Variants in RBPJ observed in about 807,000 individuals in gnomAD.
RBPJ encodes recombining binding protein suppressor of hairless.
Under a neutral mutation model 67.8 loss-of-function variants are expected in RBPJ, and 9 were observed. That is an observed-to-expected ratio of 0.13 (90% CI 0.08 to 0.23). The LOEUF (loss-of-function observed/expected upper bound fraction) is 0.23. Ranked by LOEUF, RBPJ falls within the 10% of genes least tolerant of loss-of-function variation. The pLI is 1.00. For synonymous variants in RBPJ, 198 were observed against 203.3 expected, an observed-to-expected ratio of 0.97 and a Z score of 0.22; for missense variants, 305 against 595.6, an observed-to-expected ratio of 0.51 and a Z score of 5.08.
At chr4:26,368,426 C>A (rs148196430) in intron 1 of RBPJ, among the ~76,000 whole-genome samples, 1 of 152,242 alleles carries the variant, frequency 6.6e-6, no homozygotes, top group Non-Finnish European at 1.5e-5. Context: ...TTACTCACTT[C>A]ATTGTCACTG....
chr4:26,152,714 C>G, the RBPJ span, among the ~76,000 whole-genome samples: 5 of 152,226 alleles, frequency 3.3e-5, no homozygotes, highest in Admixed American at 3.3e-4. Flanking sequence ...AGCCCAAGCT[C>G]TTAATCACTA....
chr4:26,206,643 C>G lies in RBPJ; in HGVS notation c.-167+43029C>G, dbSNP rs551918128. Among the ~76,000 whole-genome samples the G allele has an allele frequency of 4.6e-5, 7 of 152,076 alleles. No homozygotes were observed. In the South Asian group the frequency reaches 1.2e-3, roughly 27 times the overall value. On this transcript the variant is annotated intron_variant, in intron 1 of 4. Transcript: ENST00000512351. ...GACCAATATTGATCTAGTCCTTCATCCAGTCAACAAATGCCATTGTTTATA... is the reference window on the plus strand; with the variant it reads ...GACCAATATTGATCTAGTCCTTCATGCAGTCAACAAATGCCATTGTTTATA...
chr4:26,253,307 CTT>C (rs1182769419), intron 1 of RBPJ, among the ~76,000 whole-genome samples: 2 of 114,390 alleles, frequency 1.7e-5, no homozygotes, highest in East Asian at 2.4e-4. Flanking sequence ...TCTGCTATTT[CTT>C]TTTTTTTTTT....
chr4:26,112,770 T>C, the RBPJ span: 1 of 147,122 alleles, frequency 6.8e-6, no homozygotes, highest in Non-Finnish European at 1.5e-5. Flanking sequence ...TTTTTTTTTT[T>C]TTTTTTTGCA....
chr4:26,402,723 C>T (rs929470196), intron 2 of RBPJ, among the ~76,000 whole-genome samples: 4 of 152,156 alleles, frequency 2.6e-5, no homozygotes, highest in Admixed American at 1.3e-4. Context: ...CTTGACTCTC[C>T]TGTCAATGTG....
chr4:26,116,957 T>A, the RBPJ span, among the ~76,000 whole-genome samples: 1 of 152,198 alleles, frequency 6.6e-6, no homozygotes. Flanking sequence ...AGCCCAGGTC[T>A]AGATTAAAGC....
chr4:26,156,066 G>A, the RBPJ span, among the ~76,000 whole-genome samples: 3 of 152,120 alleles, frequency 2.0e-5, no homozygotes, highest in Non-Finnish European at 4.4e-5. Context: ...TGTTAATGGA[G>A]GCAGGAAGCT....
At chr4:26,387,331 A>T (rs1257157149) in intron 2 of RBPJ, among the ~76,000 whole-genome samples, 3 of 152,200 alleles carry the variant, frequency 2.0e-5, no homozygotes, top group African/African-American at 7.2e-5. Flanking sequence ...TAATGATAGT[A>T]ATGGATTAAA....
At chr4:26,392,636 C>G (rs945956143) in intron 2 of RBPJ, among the ~76,000 whole-genome samples, 1 of 152,096 alleles carries the variant, frequency 6.6e-6, no homozygotes, top group African/African-American at 2.4e-5. Context: ...CTGACAAAAA[C>G]TAGATCAGTG....
chr4:26,425,842 C>G (rs1735599354), intron 7 of RBPJ, among the ~76,000 whole-genome samples: 1 of 151,980 alleles, frequency 6.6e-6, no homozygotes, highest in Admixed American at 6.6e-5. Context: ...CTAAACATGC[C>G]TCCTATTTAT....
chr4:26,323,430 T>TA (rs1577436315), intron 1 of RBPJ, among the ~76,000 whole-genome samples: 1 of 152,242 alleles, frequency 6.6e-6, no homozygotes, highest in East Asian at 1.9e-4. Flanking sequence ...TACTTTTACT[T>TA]ACATGATTGG....
intron 1 of RBPJ, among the ~76,000 whole-genome samples, chr4:26,299,440 C>A (rs1052066343): frequency 5.9e-5 from 9 of 152,082 alleles, no homozygotes; most frequent in African/African-American, 2.2e-4. Flanking sequence ...TTCACCACCT[C>A]TGTAATGTTT....
chr4:26,140,854 T>TAAAG, the RBPJ span, among the ~76,000 whole-genome samples: 1 of 150,926 alleles, frequency 6.6e-6, no homozygotes, highest in Non-Finnish European at 1.5e-5. Context: ...AATAAATAAA[T>TAAAG]AAATAAATAA....
At chr4:26,139,242 C>T in the RBPJ span, among the ~76,000 whole-genome samples, 1 of 152,248 alleles carries the variant, frequency 6.6e-6, no homozygotes, top group Non-Finnish European at 1.5e-5. Flanking sequence ...AGTAATAATT[C>T]CTCCTTTATA....
intron 1 of RBPJ, among the ~76,000 whole-genome samples, chr4:26,233,504 C>T (rs1719356038): frequency 6.6e-6 from 1 of 152,204 alleles, no homozygotes; most frequent in South Asian, 2.1e-4. Flanking sequence ...CTTGTCTCCA[C>T]TTCGTATGCG....
chr4:26,120,017 A>G, the RBPJ span, among the ~76,000 whole-genome samples: 2 of 152,214 alleles, frequency 1.3e-5, no homozygotes, highest in Non-Finnish European at 2.9e-5. Context: ...GAGCCATATC[A>G]AAAGAGAGTA....
chr4:26,110,775 G>C, the RBPJ span, among the ~76,000 whole-genome samples: 1 of 152,154 alleles, frequency 6.6e-6, no homozygotes, highest in African/African-American at 2.4e-5. The surrounding 1 kb of genome is among the most constrained non-coding windows in gnomAD (Gnocchi z 4.5). Context: ...TCCATAGGTG[G>C]GTGTGGCTTC....
intron 1 of RBPJ, among the ~76,000 whole-genome samples, chr4:26,168,056 C>G (rs1577427971): frequency 1.3e-5 from 2 of 151,804 alleles, no homozygotes; most frequent in East Asian, 3.9e-4. Flanking sequence ...TTAATTGGAG[C>G]ATTTAGTCCA....
intron 1 of RBPJ, among the ~76,000 whole-genome samples, chr4:26,329,181 C>T (rs898279980): frequency 6.6e-5 from 10 of 152,170 alleles, no homozygotes; most frequent in Middle Eastern, 3.4e-3. Context: ...TCAGTAGAGA[C>T]GGGGTTTCTC....
Sources: allele counts gnomAD v4.1 joint callset (sites outside exome capture counted in the v4.1 genomes callset), GRCh38; gene constraint gnomAD v4.1.1; non-coding constraint Gnocchi (gnomAD v3.1); transcripts MANE v1.5; gene names NCBI Gene and HGNC (gene_info 2026-07-23, HGNC 2026-07-21).